The following ABCA13 variants were observed in gnomAD, a reference collection of about 807,000 sequenced individuals.
ABCA13 encodes the protein ATP binding cassette subfamily A member 13.
Under a neutral mutation model 478.7 loss-of-function variants are expected in ABCA13, and 476 were observed. That is an observed-to-expected ratio of 0.99 (90% confidence interval 0.92 to 1.07). The LOEUF (loss-of-function observed/expected upper bound fraction) is 1.07. Among genes scored for constraint, ABCA13 ranks in the 50% least tolerant of loss-of-function variants. The probability of loss-of-function intolerance (pLI) is 0.00; values close to 1 mark genes in which losing one functional copy is unlikely to be tolerated. For missense variants in ABCA13, 6,060 were observed against 5,910.6 expected, an observed-to-expected ratio of 1.03 and a Z score of -0.83; for synonymous variants, 2,252 against 2,158.9, an observed-to-expected ratio of 1.04 and a Z score of -1.20.
chr7:48,388,043 C>T, intron 36 of ABCA13, 84 bp downstream of exon 36: 2 of 1,435,396 alleles, frequency 1.4e-6, no homozygotes, highest in African/African-American at 2.9e-5. Flanking sequence ...TATGGTCCAG[C>T]CTTTTCAAGT....
chr7:48,193,166 G>C (rs187453025), intron 2 of ABCA13, 114 bp downstream of exon 2: 1 of 744,224 alleles, frequency 1.3e-6, no homozygotes, highest in East Asian at 2.7e-5. Context: ...AATAGATAGG[G>C]TTTCATTATG....
chr7:48,472,536 G>C (rs1827610468), intron 45 of ABCA13, among the ~76,000 whole-genome samples: 1 of 152,130 alleles, frequency 6.6e-6, no homozygotes, highest in African/African-American at 2.4e-5. Context: ...TTTGTCTCAT[G>C]GCCAAGGAAG....
chr7:48,322,616 C>A (rs1803660873), intron 27 of ABCA13, among the ~76,000 whole-genome samples: 1 of 152,230 alleles, frequency 6.6e-6, no homozygotes, highest in Admixed American at 6.5e-5. Context: ...CTGTGGGGGG[C>A]TCCAGCTGTC....
At chr7:48,368,608 CCATCCAGGTT>C (rs1812074358) in intron 32 of ABCA13, among the ~76,000 whole-genome samples, 1 of 150,334 alleles carries the variant, frequency 6.7e-6, no homozygotes, top group Admixed American at 6.6e-5. Context: ...GTCTCTAATT[CCATCCAGGTT>C]GCTCTGAATG....
chr7:48,365,482 T>C (rs1052181424), intron 31 of ABCA13, among the ~76,000 whole-genome samples: 6 of 152,196 alleles, frequency 3.9e-5, no homozygotes, highest in Non-Finnish European at 5.9e-5. Flanking sequence ...ACACAAAAAG[T>C]CTTTGTCCAG....
intron 59 of ABCA13, among the ~76,000 whole-genome samples, chr7:48,629,662 T>C (rs1196647989): frequency 3.3e-5 from 5 of 151,722 alleles, no homozygotes; most frequent in Non-Finnish European, 7.4e-5. Flanking sequence ...CTGCAGGTTT[T>C]ATGGAGATGG....
rs1795903772 is a variant in ABCA13 at position 48,183,057 on chromosome 7, AG to A, written c.70-9901del. Among the ~76,000 whole-genome samples the A allele has an allele frequency of 3.9e-5, 6 of 152,314 alleles. No homozygotes were observed. The South Asian group carries it at 1.2e-3, about 32-fold the overall frequency. ...TTCTTTCAAAGCCCTTTGTTTCCAA[AG>A]ACAAGGGCAACAGACTAATTATGTG... is the stretch of plus-strand genomic sequence containing the variant. On this transcript the variant is annotated intron_variant, in intron 1 of 61. Transcript: ENST00000435803.
chr7:48,228,985 G>T (rs1322581081), intron 6 of ABCA13, among the ~76,000 whole-genome samples: 3 of 152,056 alleles, frequency 2.0e-5, no homozygotes, highest in African/African-American at 7.2e-5. Flanking sequence ...AAGAAAATCT[G>T]CATTCATAGA....
At chr7:48,328,026 C>A (rs1804593838) in intron 27 of ABCA13, among the ~76,000 whole-genome samples, 1 of 152,188 alleles carries the variant, frequency 6.6e-6, no homozygotes, top group Admixed American at 6.5e-5. Flanking sequence ...CAGGCTATTG[C>A]TAGTGTTGTC....
intron 48 of ABCA13, among the ~76,000 whole-genome samples, chr7:48,504,159 T>C (rs549127816): frequency 1.3e-5 from 2 of 152,294 alleles, no homozygotes; most frequent in South Asian, 4.1e-4. Flanking sequence ...TGACAACATA[T>C]GCCTGCAGCC....
intron 39 of ABCA13, among the ~76,000 whole-genome samples, chr7:48,405,838 C>T (rs571586219): frequency 9.8e-5 from 14 of 142,924 alleles, no homozygotes; most frequent in Admixed American, 7.8e-4. Flanking sequence ...CACTGTCCTT[C>T]GTTGTTTAGC....
At chr7:48,330,366 C>A (rs539403119) in intron 27 of ABCA13, among the ~76,000 whole-genome samples, 9 of 151,574 alleles carry the variant, frequency 5.9e-5, no homozygotes, top group Middle Eastern at 3.5e-3. Context: ...TCCATCCACC[C>A]ATCCATCCAT....
chr7:48,341,020 T>A (rs1390410403), intron 29 of ABCA13, among the ~76,000 whole-genome samples: 1 of 152,200 alleles, frequency 6.6e-6, no homozygotes, highest in Non-Finnish European at 1.5e-5. Context: ...GCAGATTTAG[T>A]TTTGTACTAC....
chr7:48,453,487 G>T (rs1272813501), intron 42 of ABCA13, among the ~76,000 whole-genome samples: 2 of 152,122 alleles, frequency 1.3e-5, no homozygotes, highest in Admixed American at 1.3e-4. Context: ...CTTAAAAATG[G>T]GTGTGCAGGT....
chr7:48,449,684 C>T (rs1824748675), intron 42 of ABCA13, among the ~76,000 whole-genome samples: 1 of 152,206 alleles, frequency 6.6e-6, no homozygotes, highest in African/African-American at 2.4e-5. Flanking sequence ...TTCCATGCAG[C>T]TCACCTGATT....
At chr7:48,562,207 T>C (rs1408613295) in intron 55 of ABCA13, among the ~76,000 whole-genome samples, 1 of 152,040 alleles carries the variant, frequency 6.6e-6, no homozygotes, top group Non-Finnish European at 1.5e-5. Context: ...GTTGTGATAG[T>C]TTTTGGTTGT....
chr7:48,415,550 A>G (rs946786491), intron 41 of ABCA13, among the ~76,000 whole-genome samples: 2 of 152,208 alleles, frequency 1.3e-5, no homozygotes, highest in African/African-American at 4.8e-5. Flanking sequence ...GTTCACCCCC[A>G]ATGTATTTAC....
At chr7:48,256,890 T>C (rs1793476098) in intron 15 of ABCA13, among the ~76,000 whole-genome samples, 1 of 152,216 alleles carries the variant, frequency 6.6e-6, no homozygotes, top group Non-Finnish European at 1.5e-5. Flanking sequence ...ACATTGAATC[T>C]GTGAATTGCT....
intron 55 of ABCA13, among the ~76,000 whole-genome samples, chr7:48,550,069 A>G (rs1785168158): frequency 6.6e-6 from 1 of 151,838 alleles, no homozygotes; most frequent in African/African-American, 2.4e-5. Flanking sequence ...TAGTTTAATT[A>G]AACCGCATTT....
Sources: gnomAD v4.1 joint callset for allele counts (sites outside exome capture counted in the v4.1 genomes callset) on GRCh38, gnomAD v4.1.1 for gene constraint, MANE v1.5 for transcripts, NCBI Gene and HGNC (gene_info 2026-07-23, HGNC 2026-07-21) for gene names.